The following ANK2 variants were observed in gnomAD, a reference collection of about 807,000 sequenced individuals.
ANK2 encodes ankyrin 2, also known as ankyrin-2.
A neutral mutation model predicts 360.5 loss-of-function variants in ANK2; 83 were observed. The observed-to-expected ratio is 0.23, with a 90% CI of 0.19 to 0.28. The LOEUF (loss-of-function observed/expected upper bound fraction) is 0.28, where lower values mean the gene tolerates loss of function less well. Ranked by LOEUF, ANK2 falls within the 10% of genes least tolerant of loss-of-function variation. The probability of loss-of-function intolerance (pLI) is 1.00; values close to 1 mark genes in which losing one functional copy is unlikely to be tolerated. For synonymous variants in ANK2, 1,740 were observed against 1,759.5 expected (o/e 0.99, Z 0.28); for missense variants, 4,201 against 4,795.7 (o/e 0.88, Z 3.66).
At chr4:112,768,113 A>T in the ANK2 span, among the ~76,000 whole-genome samples, 1 of 152,122 alleles carries the variant, frequency 6.6e-6, no homozygotes, top group Admixed American at 6.5e-5. Flanking sequence ...TGTGGGCATG[A>T]GGGGGTGTTT....
chr4:112,968,251 A>G (rs2038094800), intron 2 of ANK2, among the ~76,000 whole-genome samples: 1 of 152,222 alleles, frequency 6.6e-6, no homozygotes, highest in South Asian at 2.1e-4. Context: ...TAATGTTCAG[A>G]TGCATTGATC....
chr4:113,367,964 C>A, intron 42 of ANK2, 113 bp downstream of exon 42: 2 of 1,285,738 alleles, frequency 1.6e-6, no homozygotes, highest in Non-Finnish European at 1.1e-6. Context: ...ATGACCCTAC[C>A]AAACACAAGT....
chr4:113,255,859 C>T lies in ANK2; in HGVS notation c.1115C>T (p.Ala372Val), dbSNP rs1458712708. ...TLDYLTALHV[A>V]AHCGHYRVTK... The stretch of plus-strand genomic sequence containing the variant: ...GACTACCTGACAGCCCTCCACGTTG[C>T]TGCGCACTGTGGCCACTACCGTGTA... The change falls in exon 11 of 46, where the codon GCT (alanine) becomes GTT (valine). Residue 372 changes from alanine to valine, a missense_variant. Ala to Val is a moderately conservative substitution (Grantham distance 64). Transcript: ENST00000357077. The T allele has an allele frequency of 2.5e-6, 4 of 1,614,236 alleles. No homozygotes were observed. Among genetic ancestry groups the T allele is most frequent in the Non-Finnish European group, 2.5e-6 (3 of 1,180,042 alleles).
chr4:112,919,450 A>G (rs2090871754), intron 2 of ANK2, among the ~76,000 whole-genome samples: 1 of 152,162 alleles, frequency 6.6e-6, no homozygotes, highest in South Asian at 2.1e-4. Flanking sequence ...TCAGGTAAGG[A>G]AATAAAACAA....
At chr4:112,845,010 G>C (rs2062973007) in intron 1 of ANK2, among the ~76,000 whole-genome samples, 1 of 152,260 alleles carries the variant, frequency 6.6e-6, no homozygotes, top group South Asian at 2.1e-4. Context: ...TCTTATATCA[G>C]TCTTGGTTTA....
the ANK2 span, among the ~76,000 whole-genome samples, chr4:112,758,582 T>C: frequency 6.6e-6 from 1 of 151,982 alleles, no homozygotes; most frequent in African/African-American, 2.4e-5. Context: ...GCCCGGCTAA[T>C]TTTTGTATTT....
intron 26 of ANK2, among the ~76,000 whole-genome samples, chr4:113,322,964 A>C (rs2087188771): frequency 6.6e-6 from 1 of 152,168 alleles, no homozygotes; most frequent in African/African-American, 2.4e-5. Flanking sequence ...TTTCATAATA[A>C]GTAGCAAAAC....
At chr4:113,208,243 A>G (rs1312149529) in intron 4 of ANK2, among the ~76,000 whole-genome samples, 6 of 151,912 alleles carry the variant, frequency 3.9e-5, no homozygotes, top group Admixed American at 3.9e-4. Flanking sequence ...AAAGCAAATC[A>G]TTTGGAGACC....
chr4:112,825,506 GT>G (rs559784457), intron 1 of ANK2, among the ~76,000 whole-genome samples: 82 of 152,196 alleles, frequency 5.4e-4, no homozygotes, highest in African/African-American at 1.9e-3. Flanking sequence ...AACTAAACTG[GT>G]TTTTGAGGAA....
At chr4:113,112,696 A>G (rs1287692029) in intron 1 of ANK2, among the ~76,000 whole-genome samples, 2 of 152,174 alleles carry the variant, frequency 1.3e-5, no homozygotes, top group Non-Finnish European at 2.9e-5. Flanking sequence ...GTTACTAGCT[A>G]GAAATTTTCT....
chr4:112,990,174 T>TA (rs1459490562), intron 2 of ANK2, among the ~76,000 whole-genome samples: 1 of 152,038 alleles, frequency 6.6e-6, no homozygotes, highest in African/African-American at 2.4e-5. Flanking sequence ...GAGGCTGAGG[T>TA]GGTAGGACAG....
intron 2 of ANK2, among the ~76,000 whole-genome samples, chr4:113,192,401 C>T (rs2098681471): frequency 6.6e-6 from 1 of 152,172 alleles, no homozygotes; most frequent in Non-Finnish European, 1.5e-5. Context: ...CCCTCAAAAT[C>T]AACAGAGTCC....
chr4:113,316,002 A>C (rs1206522298), intron 24 of ANK2, among the ~76,000 whole-genome samples: 9 of 152,288 alleles, frequency 5.9e-5, no homozygotes, highest in Non-Finnish European at 1.2e-4. Context: ...GCAGGAAAAC[A>C]AATTATCCAT....
At chr4:113,193,367 G>A (rs2098700963) in intron 2 of ANK2, among the ~76,000 whole-genome samples, 1 of 152,194 alleles carries the variant, frequency 6.6e-6, no homozygotes, top group Non-Finnish European at 1.5e-5. Flanking sequence ...GGCGCATTGT[G>A]TGCTTTGCTT....
chr4:113,117,015 G>A (rs2094865478), intron 1 of ANK2: 1 of 264,392 alleles, frequency 3.8e-6, no homozygotes. Context: ...TTCTGAGTGT[G>A]GGTGCACACC....
intron 41 of ANK2, among the ~76,000 whole-genome samples, chr4:113,366,537 C>T (rs1011632776): frequency 2.0e-5 from 3 of 151,840 alleles, no homozygotes; most frequent in African/African-American, 4.8e-5. Context: ...CTGTCTCTAT[C>T]GCACTGGTCC....
At chr4:113,159,042 T>A (rs1341819063) in intron 1 of ANK2, among the ~76,000 whole-genome samples, 1 of 152,184 alleles carries the variant, frequency 6.6e-6, no homozygotes, top group Non-Finnish European at 1.5e-5. Context: ...ATCATAGTAA[T>A]CATCATTATT....
At chr4:112,751,836 T>C in the ANK2 span, among the ~76,000 whole-genome samples, 1 of 152,164 alleles carries the variant, frequency 6.6e-6, no homozygotes, top group Non-Finnish European at 1.5e-5. Context: ...CCATTTCTTA[T>C]AGGGGATGTG....
intron 24 of ANK2, among the ~76,000 whole-genome samples, chr4:113,315,487 C>T (rs1438871419): frequency 6.6e-6 from 1 of 152,152 alleles, no homozygotes; most frequent in African/African-American, 2.4e-5. Flanking sequence ...TTCTGCTATT[C>T]CAGAAGACGG....
Sources: allele counts gnomAD v4.1 joint callset (sites outside exome capture counted in the v4.1 genomes callset), GRCh38; gene constraint gnomAD v4.1.1; transcripts MANE v1.5; gene names NCBI Gene and HGNC (gene_info 2026-07-23, HGNC 2026-07-21).